The following DLG2 variants were observed in gnomAD, a reference collection of about 807,000 sequenced individuals.
DLG2 encodes disks large homolog 2.
Under a neutral mutation model 132.5 loss-of-function variants are expected in DLG2, and 45 were observed. That is an observed-to-expected ratio of 0.34 (90% CI 0.27 to 0.44). The LOEUF is 0.44. Among genes scored for constraint, DLG2 ranks in the 20% least tolerant of loss-of-function variants. The pLI is 1.00. For synonymous variants in DLG2, 424 were observed against 419.6 expected, an observed-to-expected ratio of 1.01 and a Z score of -0.13; for missense variants, 1,045 against 1,196.9, an observed-to-expected ratio of 0.87 and a Z score of 1.87.
intron 4 of DLG2, among the ~76,000 whole-genome samples, chr11:85,246,382 G>A (rs1327956009): frequency 2.6e-5 from 4 of 151,898 alleles, no homozygotes; most frequent in Non-Finnish European, 5.9e-5. Flanking sequence ...ATTCATTTCT[G>A]AGGAAATATG....
rs1365385179 is a variant in DLG2 at position 85,527,383 on chromosome 11, C to T, written c.40+71274G>A. On this transcript the variant is annotated intron_variant, in intron 3 of 27. Transcript: ENST00000376104. ...CTCAACAGGCTCTGGTGTGTGATGT[C>T]CCCTTCCCTGTGTCCACATGTTGTC... Among the ~76,000 whole-genome samples, 2 of 151,866 alleles carry T rather than the reference C, an allele frequency of 1.3e-5. 1 individual carries two copies. The highest frequency in any genetic ancestry group is 3.9e-4 in the East Asian group (2 of 5,192).
chr11:84,510,493 T>C (rs922882637), intron 7 of DLG2, among the ~76,000 whole-genome samples: 21 of 152,226 alleles, frequency 1.4e-4, no homozygotes, highest in Non-Finnish European at 2.6e-4. Flanking sequence ...CAGAACAACA[T>C]AGTTGTACTA....
At chr11:85,410,265 T>G (rs1423045816) in intron 3 of DLG2, among the ~76,000 whole-genome samples, 2 of 151,826 alleles carry the variant, frequency 1.3e-5, no homozygotes, top group Non-Finnish European at 2.9e-5. Context: ...TTCATCTTCT[T>G]CAAAGTGCAA....
At chr11:84,492,690 T>A (rs2154497954) in intron 7 of DLG2, among the ~76,000 whole-genome samples, 1 of 152,272 alleles carries the variant, frequency 6.6e-6, no homozygotes, top group Admixed American at 6.5e-5. Flanking sequence ...GTTGCTGTTT[T>A]TGTCATCCTC....
chr11:84,834,007 C>A (rs1209322039), intron 6 of DLG2, among the ~76,000 whole-genome samples: 1 of 151,534 alleles, frequency 6.6e-6, no homozygotes, highest in Non-Finnish European at 1.5e-5. Flanking sequence ...ATAGAGTAGG[C>A]ACAAGTTTAA....
At chr11:84,641,952 T>C (rs1344110891) in intron 6 of DLG2, among the ~76,000 whole-genome samples, 1 of 150,740 alleles carries the variant, frequency 6.6e-6, no homozygotes, top group Admixed American at 6.6e-5. Flanking sequence ...CACACATCCA[T>C]ACGTATATAT....
At chr11:84,955,117 G>A (rs1377724901) in intron 6 of DLG2, among the ~76,000 whole-genome samples, 1 of 152,176 alleles carries the variant, frequency 6.6e-6, no homozygotes, top group Non-Finnish European at 1.5e-5. Flanking sequence ...CCTATGGACT[G>A]TAGCTTGCAG....
intron 6 of DLG2, among the ~76,000 whole-genome samples, chr11:84,754,552 A>G (rs75064091): frequency 6.6e-6 from 1 of 152,224 alleles, no homozygotes; most frequent in African/African-American, 2.4e-5. Context: ...AGTTAAGTTC[A>G]TGAGGATCCT....
rs528119552 is a variant in DLG2, at chr11:84,189,629, T to C, written c.574-26118A>G. On this transcript the variant is annotated intron_variant, in intron 8 of 27. Transcript: ENST00000376104. ...AATGTGGCACATATACACCATGGAA[T>C]ACTATGGAGCCATAAAAAGGAAAGA... Among the ~76,000 whole-genome samples, 96 of 152,284 alleles carry C rather than the reference T, an allele frequency of 6.3e-4. 2 individuals carry two copies. In the South Asian group the frequency reaches 0.018, roughly 28 times the overall value.
At chr11:85,124,612 T>G (rs1472610543) in intron 5 of DLG2, among the ~76,000 whole-genome samples, 1 of 152,206 alleles carries the variant, frequency 6.6e-6, no homozygotes, top group African/African-American at 2.4e-5. Flanking sequence ...TTTCTGAATC[T>G]TGATCCAACA....
intron 6 of DLG2, among the ~76,000 whole-genome samples, chr11:84,804,954 A>AT (rs1195395986): frequency 6.6e-6 from 1 of 152,102 alleles, no homozygotes; most frequent in African/African-American, 2.4e-5. Flanking sequence ...GGGAGCTTAG[A>AT]TCTCCACTCC....
At chr11:83,978,383 T>C (rs2092469570) in intron 12 of DLG2, among the ~76,000 whole-genome samples, 1 of 152,070 alleles carries the variant, frequency 6.6e-6, no homozygotes, top group Non-Finnish European at 1.5e-5. Flanking sequence ...ACGGTCTTCA[T>C]TTTTCAACTT....
intron 3 of DLG2, among the ~76,000 whole-genome samples, chr11:85,364,208 T>G (rs1351169917): frequency 6.6e-6 from 1 of 152,126 alleles, no homozygotes; most frequent in Non-Finnish European, 1.5e-5. Flanking sequence ...AATGATCTTG[T>G]TAAGATGGTG....
chr11:84,557,570 T>G (rs1320314528), intron 6 of DLG2, among the ~76,000 whole-genome samples: 1 of 152,188 alleles, frequency 6.6e-6, no homozygotes, highest in Non-Finnish European at 1.5e-5. Flanking sequence ...AACATTTCAT[T>G]GAGAAATTTA....
intron 10 of DLG2, among the ~76,000 whole-genome samples, chr11:84,092,152 A>C (rs2097102825): frequency 6.6e-6 from 1 of 152,202 alleles, no homozygotes; most frequent in Admixed American, 6.5e-5. Flanking sequence ...ATAATCATGG[A>C]ATTGAATCTG....
intron 7 of DLG2, among the ~76,000 whole-genome samples, chr11:84,517,273 A>C (rs531938570): frequency 6.6e-6 from 1 of 151,844 alleles, no homozygotes; most frequent in African/African-American, 2.4e-5. Context: ...TAATATTCAA[A>C]ATATATAAGA....
At chr11:83,558,825 C>T (rs1487513430) in intron 19 of DLG2, among the ~76,000 whole-genome samples, 2 of 148,800 alleles carry the variant, frequency 1.3e-5, no homozygotes, top group East Asian at 2.0e-4. Flanking sequence ...TACCTACTCC[C>T]GGTAAAAAAC....
intron 7 of DLG2, among the ~76,000 whole-genome samples, chr11:84,363,792 C>G (rs1265117487): frequency 6.6e-6 from 1 of 151,332 alleles, no homozygotes; most frequent in Non-Finnish European, 1.5e-5. Flanking sequence ...GCTTGTTTTT[C>G]TCAGGTTTGT....
At chr11:85,365,453 C>G (rs1367591754) in intron 3 of DLG2, among the ~76,000 whole-genome samples, 1 of 152,106 alleles carries the variant, frequency 6.6e-6, no homozygotes, top group African/African-American at 2.4e-5. Flanking sequence ...CTGTGTTAAC[C>G]TTTAAAATTG....
Sources: gnomAD v4.1 joint callset for allele counts (sites outside exome capture counted in the v4.1 genomes callset) on GRCh38, gnomAD v4.1.1 for gene constraint, MANE v1.5 for transcripts, NCBI Gene and HGNC (gene_info 2026-07-23, HGNC 2026-07-21) for gene names.